Variants in SORCS2 observed in about 807,000 individuals in gnomAD.
The protein encoded by SORCS2 is VPS10 domain-containing receptor SorCS2.
In SORCS2, 100 loss-of-function variants were observed where a neutral mutation model predicts 141.6. The observed-to-expected ratio is 0.71, with a 90% CI of 0.60 to 0.83. The LOEUF (loss-of-function observed/expected upper bound fraction) is 0.83. Among genes scored for constraint, SORCS2 ranks in the 40% least tolerant of loss-of-function variants. The probability of loss-of-function intolerance (pLI) is 0.00; values close to 1 mark genes in which losing one functional copy is unlikely to be tolerated. For missense variants in SORCS2, 1,646 were observed against 1,560.2 expected (o/e 1.05, Z -0.93); for synonymous variants, 789 against 676.9 (o/e 1.17, Z -2.57).
chr4:7,304,767 G>A (rs1348129919), intron 1 of SORCS2, among the ~76,000 whole-genome samples: 2 of 151,258 alleles, frequency 1.3e-5, no homozygotes, highest in Non-Finnish European at 3.0e-5. Flanking sequence ...TTGGTGGGGG[G>A]CCTCAGCCCT....
intron 1 of SORCS2, among the ~76,000 whole-genome samples, chr4:7,329,040 T>A (rs1265773854): frequency 1.3e-5 from 2 of 152,158 alleles, no homozygotes; most frequent in Admixed American, 6.5e-5. Context: ...AGGAAGGCCA[T>A]GTGTGAAGGC....
In SORCS2 at chr4:7,559,369, C is replaced by T. The variant is rs1355679869; in HGVS notation, c.648+27740C>T. ...AGCATCCTGAGCCACTCTAGGGGAC[C>T]GATGGTGACATGGGCACACAGAGGT... is the stretch of plus-strand genomic sequence containing the variant. On this transcript the variant is annotated intron_variant, in intron 3 of 26. Transcript: ENST00000507866. Among the ~76,000 whole-genome samples the T allele has an allele frequency of 3.9e-5, 6 of 152,270 alleles. 1 individual carries two copies. The East Asian group carries it at 5.8e-4, about 15-fold the overall frequency.
chr4:7,285,658 C>T (rs1017900587), intron 1 of SORCS2, among the ~76,000 whole-genome samples: 3 of 152,214 alleles, frequency 2.0e-5, no homozygotes, highest in Admixed American at 1.3e-4. Context: ...GATGGGGAGG[C>T]GCCTATGCTC....
intron 2 of SORCS2, among the ~76,000 whole-genome samples, chr4:7,471,725 TGC>T (rs1488173563): frequency 3.9e-5 from 6 of 152,216 alleles, no homozygotes; most frequent in African/African-American, 9.6e-5. Context: ...GGACCCTCGG[TGC>T]TGCTGGCCCT....
chr4:7,309,983 G>C (rs990625070), intron 1 of SORCS2, among the ~76,000 whole-genome samples: 1 of 152,232 alleles, frequency 6.6e-6, no homozygotes, highest in Non-Finnish European at 1.5e-5. Flanking sequence ...GCTGGGAAAT[G>C]GGGGGATTCA....
rs1319787225 is a variant in SORCS2, at chr4:7,434,338, C to T, written c.548+37983C>T. ...CCGTACACAGTCTTGGCACAGAGCT[C>T]CTTCAGGCGCCTGGCGGGGGTGGAA... On this transcript the variant is annotated intron_variant, in intron 2 of 26. Transcript: ENST00000507866. 3.1e-6 allele frequency: 5 copies of T among 1,609,750 alleles called. No individual in the cohort carries two copies. In the East Asian group the frequency reaches 1.1e-4, roughly 36 times the overall value.
intron 1 of SORCS2, among the ~76,000 whole-genome samples, chr4:7,305,605 C>T (rs1043974676): frequency 2.0e-5 from 3 of 152,170 alleles, no homozygotes; most frequent in Admixed American, 6.5e-5. Flanking sequence ...ATCTCAGGGG[C>T]TTAGTGTGAG....
chr4:7,589,389 C>T (rs545307230), intron 3 of SORCS2, among the ~76,000 whole-genome samples: 219 of 63,258 alleles, frequency 3.5e-3, no homozygotes, highest in African/African-American at 9.2e-3. Flanking sequence ...GGCTGAGACC[C>T]GTTTTTTTTG....
At chr4:7,347,249 T>G (rs1314843530) in intron 1 of SORCS2, among the ~76,000 whole-genome samples, 1 of 152,210 alleles carries the variant, frequency 6.6e-6, no homozygotes, top group African/African-American at 2.4e-5. Flanking sequence ...CCAGTCCTAC[T>G]TTCTCTTTGG....
chr4:7,246,029 G>A (rs1317960310), intron 1 of SORCS2, among the ~76,000 whole-genome samples: 1 of 152,208 alleles, frequency 6.6e-6, no homozygotes, highest in East Asian at 1.9e-4. Flanking sequence ...CTGTCAGTCA[G>A]AAAGGGATTG....
rs867394951 is a variant in SORCS2, at chr4:7,650,694, G to T, written c.814-3440G>T. ...GCCAGCTCCGCAGACCCGGGTCCCCGCCTCCCTCTCCAGCCCTCTCTCCCC... is the reference window on the plus strand; with the variant it reads ...GCCAGCTCCGCAGACCCGGGTCCCCTCCTCCCTCTCCAGCCCTCTCTCCCC... On this transcript the variant is annotated intron_variant, in intron 4 of 26. Transcript: ENST00000507866. 2.4e-3 allele frequency among the ~76,000 whole-genome samples: 355 copies of T among 148,402 alleles called. 4 individuals are homozygous for T. In the Middle Eastern group the frequency reaches 0.025, roughly 10 times the overall value.
chr4:7,581,773 C>T (rs1385525393), intron 3 of SORCS2, among the ~76,000 whole-genome samples: 2 of 152,194 alleles, frequency 1.3e-5, no homozygotes, highest in African/African-American at 4.8e-5. Flanking sequence ...TGCCAGAAAC[C>T]CGTCCAGAGT....
intron 11 of SORCS2, 65 bp downstream of exon 11, chr4:7,689,653 A>G (rs1724092485): frequency 7.1e-7 from 1 of 1,412,028 alleles, no homozygotes; most frequent in South Asian, 1.3e-5. Context: ...CTCCAATCTT[A>G]AGGGTAAAAA....
chr4:7,673,858 C>A (rs1306578188), intron 8 of SORCS2, among the ~76,000 whole-genome samples: 1 of 152,178 alleles, frequency 6.6e-6, no homozygotes, highest in East Asian at 1.9e-4. Context: ...CCCCACCACC[C>A]CTGCAGGAGT....
chr4:7,407,551 A>T (rs4689732), intron 2 of SORCS2, among the ~76,000 whole-genome samples: 1 of 152,040 alleles, frequency 6.6e-6, no homozygotes, highest in Non-Finnish European at 1.5e-5. Context: ...CCAGCCCATC[A>T]CTTTCAGTCT....
In SORCS2 at chr4:7,453,793, G is replaced by A. The variant is rs551452988; in HGVS notation, c.548+57438G>A. ...GTCAGGTGCTGTGTGTTGGGGTCAG[G>A]AGCTGTGTGTTAGGGTCAGGTGCTG... On this transcript the variant is annotated intron_variant, in intron 2 of 26. Transcript: ENST00000507866. 2.3e-5 allele frequency among the ~76,000 whole-genome samples: 3 copies of A among 132,160 alleles called. No individual in the cohort carries two copies. In the East Asian group the frequency reaches 7.8e-4, roughly 34 times the overall value. The allele number at this position is 132,160 out of a possible 152,430, so 86.7% of individuals were successfully genotyped here. A position where few individuals can be genotyped will look rare whatever the true frequency, so the allele number is the denominator to read the frequency against.
chr4:7,400,280 C>A (rs1332059588), intron 2 of SORCS2, among the ~76,000 whole-genome samples: 1 of 152,168 alleles, frequency 6.6e-6, no homozygotes, highest in Non-Finnish European at 1.5e-5. Flanking sequence ...GTGCATGCTA[C>A]GGCTGCTGCC....
chr4:7,600,987 G>A (rs1717629221), intron 3 of SORCS2, among the ~76,000 whole-genome samples: 1 of 152,224 alleles, frequency 6.6e-6, no homozygotes, highest in Admixed American at 6.5e-5. Flanking sequence ...CCGGGTTCAA[G>A]TGATCCTCCT....
At chr4:7,556,493 C>T (rs963003675) in intron 3 of SORCS2, among the ~76,000 whole-genome samples, 11 of 152,246 alleles carry the variant, frequency 7.2e-5, no homozygotes, top group South Asian at 4.2e-4. Flanking sequence ...ATCACTGGCA[C>T]GGACTCAGCT....
Sources: gnomAD v4.1 joint callset for allele counts (sites outside exome capture counted in the v4.1 genomes callset) on GRCh38, gnomAD v4.1.1 for gene constraint, MANE v1.5 for transcripts, NCBI Gene and HGNC (gene_info 2026-07-23, HGNC 2026-07-21) for gene names.